DENND5B: variants seen among roughly 807,000 people sequenced by gnomAD.
DENND5B encodes the protein DENN domain containing 5B, also known as DENN domain-containing protein 5B.
Under a neutral mutation model 140.6 loss-of-function variants are expected in DENND5B, and 34 were observed. The ratio of observed to expected loss-of-function variants is 0.24; its 90% CI spans 0.18 to 0.32. The LOEUF (loss-of-function observed/expected upper bound fraction) is 0.32, where lower values mean the gene tolerates loss of function less well. DENND5B is among the 10% of genes least tolerant of loss of function. The pLI is 1.00. For synonymous variants in DENND5B, 551 were observed against 562.1 expected, an observed-to-expected ratio of 0.98 and a Z score of 0.28; for missense variants, 1,142 against 1,560.2, an observed-to-expected ratio of 0.73 and a Z score of 4.52.
chr12:31,453,623 A>G (rs577913762), intron 4 of DENND5B, among the ~76,000 whole-genome samples: 1 of 152,160 alleles, frequency 6.6e-6, no homozygotes, highest in Non-Finnish European at 1.5e-5. Flanking sequence ...ATGGGGTGGA[A>G]GTTAATAAAC....
intron 1 of DENND5B, among the ~76,000 whole-genome samples, chr12:31,545,842 C>G (rs1332551028): frequency 6.6e-6 from 1 of 151,264 alleles, no homozygotes; most frequent in Non-Finnish European, 1.5e-5. Flanking sequence ...GCCTGTAGTT[C>G]CAGCTACTCA....
intron 3 of DENND5B, among the ~76,000 whole-genome samples, chr12:31,475,417 G>C (rs1945759135): frequency 6.6e-6 from 1 of 152,068 alleles, no homozygotes; most frequent in Admixed American, 6.5e-5. Context: ...TAAATTGGTA[G>C]ATATTAATGA....
intron 1 of DENND5B, among the ~76,000 whole-genome samples, chr12:31,588,480 T>C (rs371908517): frequency 1.3e-5 from 2 of 152,234 alleles, no homozygotes; most frequent in Non-Finnish European, 2.9e-5. Context: ...TGGTTGCATC[T>C]GTACTGAACA....
chr12:31,402,692 C>G, intron 14 of DENND5B, 49 bp from the exon 15 acceptor site: 1 of 1,552,452 alleles, frequency 6.4e-7, no homozygotes, highest in South Asian at 1.3e-5. Context: ...TAAAATTCTC[C>G]TTATAACAAA....
intron 1 of DENND5B, among the ~76,000 whole-genome samples, chr12:31,516,058 T>A (rs965030538): frequency 6.6e-6 from 1 of 152,342 alleles, no homozygotes; most frequent in South Asian, 2.1e-4. Context: ...GTATGAAAAC[T>A]AGGTTGCCCC....
intron 1 of DENND5B, among the ~76,000 whole-genome samples, chr12:31,523,587 C>T (rs1947981675): frequency 6.6e-6 from 1 of 151,720 alleles, no homozygotes; most frequent in African/African-American, 2.4e-5. Flanking sequence ...TTGACATTAT[C>T]CTAAAAATAT....
intron 2 of DENND5B, among the ~76,000 whole-genome samples, chr12:31,491,240 G>A (rs1258530307): frequency 1.3e-5 from 2 of 152,072 alleles, no homozygotes; most frequent in Non-Finnish European, 2.9e-5. Flanking sequence ...ATCACTTGAG[G>A]CCAGGAGTTT....
At chr12:31,409,101 A>T (rs1013147189) in intron 14 of DENND5B, among the ~76,000 whole-genome samples, 162 bp downstream of exon 14, 8 of 152,218 alleles carry the variant, frequency 5.3e-5, no homozygotes, top group African/African-American at 1.9e-4. Context: ...GGTTTCCTGT[A>T]GCACTCTTAG....
intron 7 of DENND5B, among the ~76,000 whole-genome samples, chr12:31,441,491 GT>G (rs367859536): frequency 2.8e-5 from 4 of 144,342 alleles, no homozygotes; most frequent in Non-Finnish European, 4.6e-5. Context: ...CCTGGCCCAA[GT>G]TTTTTTTTTG....
intron 7 of DENND5B, among the ~76,000 whole-genome samples, chr12:31,442,199 G>C (rs1367092461): frequency 1.3e-5 from 2 of 152,140 alleles, no homozygotes; most frequent in Non-Finnish European, 2.9e-5. Context: ...ACATCTGAAG[G>C]CTCTTTCATC....
chr12:31,408,985 C>T (rs1942289668), intron 14 of DENND5B, among the ~76,000 whole-genome samples: 3 of 152,210 alleles, frequency 2.0e-5, no homozygotes, highest in Admixed American at 2.0e-4. Context: ...AGCTCCGGGA[C>T]AGCCCTTTGT....
At chr12:31,502,434 C>T (rs369989613) in intron 1 of DENND5B, among the ~76,000 whole-genome samples, 1 of 152,112 alleles carries the variant, frequency 6.6e-6, no homozygotes, top group Non-Finnish European at 1.5e-5. Context: ...TATCCCATTT[C>T]GTCAATAATA....
intron 10 of DENND5B, among the ~76,000 whole-genome samples, 168 bp downstream of exon 10, chr12:31,424,367 C>T (rs530765202): frequency 1.3e-5 from 2 of 152,172 alleles, no homozygotes; most frequent in South Asian, 2.1e-4. Flanking sequence ...CCACCTCCTG[C>T]TCATGGGTTA....
intron 17 of DENND5B, 55 bp downstream of exon 17, chr12:31,398,120 G>T: frequency 6.8e-7 from 1 of 1,462,790 alleles, no homozygotes; most frequent in Non-Finnish European, 9.2e-7. Flanking sequence ...TCTATCAAAT[G>T]GTCACATGAA....
At chr12:31,575,893 G>A (rs1949996643) in intron 1 of DENND5B, among the ~76,000 whole-genome samples, 1 of 152,096 alleles carries the variant, frequency 6.6e-6, no homozygotes, top group South Asian at 2.1e-4. Flanking sequence ...TTGAACACGG[G>A]AGGCGGAGGT....
intron 3 of DENND5B, among the ~76,000 whole-genome samples, chr12:31,477,098 C>T (rs368900520): frequency 2.6e-5 from 4 of 151,842 alleles, no homozygotes; most frequent in South Asian, 2.1e-4. Context: ...TGTGGTGGTG[C>T]GCACCCATAG....
At chr12:31,502,355 A>G (rs1947043384) in intron 1 of DENND5B, among the ~76,000 whole-genome samples, 1 of 152,186 alleles carries the variant, frequency 6.6e-6, no homozygotes, top group Non-Finnish European at 1.5e-5. Flanking sequence ...ATTCAATCTT[A>G]TAAGTAATCT....
intron 1 of DENND5B, among the ~76,000 whole-genome samples, chr12:31,552,690 C>T (rs1443570181): frequency 6.6e-6 from 1 of 152,172 alleles, no homozygotes; most frequent in East Asian, 1.9e-4. Context: ...GTGAATCCAT[C>T]TGGTCCTGGA....
intron 15 of DENND5B, among the ~76,000 whole-genome samples, chr12:31,402,185 G>A (rs955936868): frequency 2.0e-5 from 3 of 152,082 alleles, no homozygotes; most frequent in Non-Finnish European, 2.9e-5. Context: ...AACCACCGCG[G>A]GGAAAACATT....
Sources: gnomAD v4.1 joint callset for allele counts (sites outside exome capture counted in the v4.1 genomes callset) on GRCh38, gnomAD v4.1.1 for gene constraint, MANE v1.5 for transcripts, NCBI Gene and HGNC (gene_info 2026-07-23, HGNC 2026-07-21) for gene names.